Variants in PTPRT observed in about 807,000 individuals in gnomAD.
PTPRT encodes the protein receptor-type tyrosine-protein phosphatase T.
Under a neutral mutation model 176.8 loss-of-function variants are expected in PTPRT, and 56 were observed. The observed-to-expected ratio is 0.32, with a 90% confidence interval of 0.26 to 0.40. The LOEUF (loss-of-function observed/expected upper bound fraction) is 0.40, where lower values mean the gene tolerates loss of function less well. PTPRT is among the 10% of genes least tolerant of loss of function. PTPRT has a pLI of 1.00. For synonymous variants in PTPRT, 783 were observed against 739.0 expected, an observed-to-expected ratio of 1.06 and a Z score of -0.96; for missense variants, 1,540 against 1,908.2, an observed-to-expected ratio of 0.81 and a Z score of 3.60.
At chr20:42,862,873 G>C (rs1410279248) in intron 2 of PTPRT, among the ~76,000 whole-genome samples, 4 of 152,148 alleles carry the variant, frequency 2.6e-5, no homozygotes, top group African/African-American at 9.7e-5. Flanking sequence ...TGAGAGCACT[G>C]TATTTCTTTA....
chr20:42,098,327 A>G, intron 27 of PTPRT, 94 bp downstream of exon 27: 2 of 1,523,558 alleles, frequency 1.3e-6, no homozygotes, highest in Non-Finnish European at 1.8e-6. Context: ...TGGCTGGGGC[A>G]GATGTGGCAG....
intron 2 of PTPRT, among the ~76,000 whole-genome samples, chr20:42,880,866 G>GGT (rs145392824): frequency 0.02 from 3,079 of 152,306 alleles, 52 homozygotes; most frequent in Middle Eastern, 0.051. Context: ...AGTAGTTGTG[G>GGT]TTTTTGCCAT....
intron 2 of PTPRT, among the ~76,000 whole-genome samples, chr20:42,853,614 C>T (rs768354157): frequency 6.6e-5 from 10 of 152,168 alleles, no homozygotes; most frequent in Admixed American, 2.6e-4. Flanking sequence ...TTCTGGTGCT[C>T]GAACGATTGG....
chr20:42,654,249 A>G (rs1229298981), intron 7 of PTPRT, among the ~76,000 whole-genome samples: 1 of 152,232 alleles, frequency 6.6e-6, no homozygotes, highest in Admixed American at 6.5e-5. Context: ...ATTAGCACCC[A>G]GGAGGAGAAG....
At position 42,074,180 on chromosome 20, in the gene PTPRT, C is replaced by A. The variant is rs1982554027; in HGVS notation, c.*6699G>T. ...CTCCAGACTGCCCTGGGGCCTTTGA[C>A]CCAAAGAACACCTGACATTATTCAT... On this transcript the variant is annotated 3_prime_UTR_variant, in exon 31 of 31. Coordinates refer to ENST00000373187, the MANE Select transcript of PTPRT (RefSeq NM_007050.6). 8.8e-6 allele frequency: 2 copies of A among 227,778 alleles called. No individual in the cohort carries two copies. The highest frequency in any genetic ancestry group is 1.7e-5 in the Non-Finnish European group (2 of 114,658). 14.1% of individuals were successfully genotyped at this position (227,778 alleles called of 1,614,324 possible).
At chr20:42,110,599 C>T in intron 22 of PTPRT, 112 bp from the exon 23 acceptor site, 19 of 1,190,328 alleles carry the variant, frequency 1.6e-5, no homozygotes, top group Non-Finnish European at 1.9e-5. Flanking sequence ...GGACAGGGCC[C>T]TCACAGTGTT....
At chr20:42,659,292 G>C (rs1031662146) in intron 7 of PTPRT, among the ~76,000 whole-genome samples, 2 of 152,084 alleles carry the variant, frequency 1.3e-5, no homozygotes, top group African/African-American at 4.8e-5. Flanking sequence ...GCTCTCCTAG[G>C]TAATATCTTT....
At chr20:42,309,297 A>G (rs959968787) in intron 12 of PTPRT, among the ~76,000 whole-genome samples, 1 of 152,188 alleles carries the variant, frequency 6.6e-6, no homozygotes, top group Non-Finnish European at 1.5e-5. Context: ...AGAGAACAGT[A>G]GATTCAGCAG....
At chr20:42,455,279 G>A (rs1047468494) in intron 8 of PTPRT, among the ~76,000 whole-genome samples, 1 of 152,200 alleles carries the variant, frequency 6.6e-6, no homozygotes, top group Non-Finnish European at 1.5e-5. Context: ...CAATGAGTCA[G>A]TGCTGGTCCT....
chr20:42,350,214 GTTTTTTTTTTTTTTT>G (rs764181357), intron 11 of PTPRT, among the ~76,000 whole-genome samples: 1 of 58,308 alleles, frequency 1.7e-5, no homozygotes, highest in Non-Finnish European at 3.3e-5. Context: ...GATGTTTCTT[GTTTTTTTTTTTTTTT>G]TTTTTTTTTT....
chr20:42,241,219 G>C (rs566652830), intron 14 of PTPRT, among the ~76,000 whole-genome samples: 11 of 152,238 alleles, frequency 7.2e-5, no homozygotes, highest in South Asian at 4.2e-4. Context: ...TCCATACCTG[G>C]GGATAGGAGT....
chr20:42,106,826 C>G lies in PTPRT; in HGVS notation c.3350G>C (p.Arg1117Pro). 1 of 1,614,140 alleles carries G rather than the reference C, an allele frequency of 6.2e-7. No homozygotes were observed. Among genetic ancestry groups the G allele is most frequent in the Non-Finnish European group, 8.5e-7 (1 of 1,180,014 alleles). The change falls in exon 24 of 31, where the codon CGT becomes CCT. Residue 1117 changes from arginine (R) to proline (P), a missense_variant. Coordinates refer to ENST00000373187, the MANE Select transcript of PTPRT (RefSeq NM_007050.6). The stretch of plus-strand genomic sequence containing the variant: ...GTTGACCCTTTGGGCCCGGAGCTCA[C>G]GCACGCAGTTGAAGATGTCCACCAC... Reference protein sequence around the residue: ...EGVVDIFNCVRELRAQRVNLV... With the variant: ...EGVVDIFNCVPELRAQRVNLV...
At chr20:43,061,414 C>A (rs1053190142) in intron 1 of PTPRT, among the ~76,000 whole-genome samples, 5 of 152,182 alleles carry the variant, frequency 3.3e-5, no homozygotes, top group Non-Finnish European at 7.3e-5. Flanking sequence ...TGTGCTCGGC[C>A]TCATGTTGAG....
At chr20:42,588,418 A>G (rs1258960540) in intron 7 of PTPRT, among the ~76,000 whole-genome samples, 1 of 152,118 alleles carries the variant, frequency 6.6e-6, no homozygotes, top group Admixed American at 6.6e-5. Context: ...CACTATACCC[A>G]GCCTGGGCAA....
chr20:42,878,009 G>T (rs1380375180), intron 2 of PTPRT, among the ~76,000 whole-genome samples: 2 of 152,184 alleles, frequency 1.3e-5, no homozygotes, highest in Non-Finnish European at 2.9e-5. Flanking sequence ...TTGCCATGTG[G>T]ATGATATTCC....
intron 2 of PTPRT, among the ~76,000 whole-genome samples, chr20:42,883,721 C>CACTCATATGCT (rs1302888442): frequency 4.8e-4 from 5 of 10,374 alleles, no homozygotes; most frequent in South Asian, 5.9e-3. Context: ...TACACACACA[C>CACTCATATGCT]CCATACACCC....
At chr20:42,666,737 C>T (rs1396708150) in intron 7 of PTPRT, among the ~76,000 whole-genome samples, 1 of 152,148 alleles carries the variant, frequency 6.6e-6, no homozygotes, top group Non-Finnish European at 1.5e-5. Context: ...ATACATGCTG[C>T]ACAATTCTTA....
chr20:43,146,218 T>C (rs1232806994), intron 1 of PTPRT, among the ~76,000 whole-genome samples: 7 of 152,202 alleles, frequency 4.6e-5, no homozygotes, highest in African/African-American at 1.7e-4. Flanking sequence ...CCTCTCTGTA[T>C]TGAATGGATG....
chr20:43,128,039 T>C (rs1356109905), intron 1 of PTPRT, among the ~76,000 whole-genome samples: 2 of 152,162 alleles, frequency 1.3e-5, no homozygotes, highest in Non-Finnish European at 2.9e-5. Context: ...ACTCTTTCCA[T>C]AGTAGCGGTT....
Sources: gnomAD v4.1 joint callset for allele counts (sites outside exome capture counted in the v4.1 genomes callset) on GRCh38, gnomAD v4.1.1 for gene constraint, MANE v1.5 for transcripts, NCBI Gene and HGNC (gene_info 2026-07-23, HGNC 2026-07-21) for gene names.